The following SEMA4B variants were observed in gnomAD, a reference collection of about 807,000 sequenced individuals.
SEMA4B encodes the protein semaphorin 4B.
Under a neutral mutation model 88.1 loss-of-function variants are expected in SEMA4B, and 55 were observed. The ratio of observed to expected loss-of-function variants is 0.62; its 90% CI spans 0.50 to 0.78. The LOEUF is 0.78. Ranked by LOEUF, SEMA4B falls within the 30% of genes least tolerant of loss-of-function variation. SEMA4B has a pLI of 0.00. For missense variants in SEMA4B, 1,062 were observed against 1,111.9 expected, an observed-to-expected ratio of 0.96 and a Z score of 0.64; for synonymous variants, 525 against 473.6, an observed-to-expected ratio of 1.11 and a Z score of -1.41.
intron 1 of SEMA4B, among the ~76,000 whole-genome samples, chr15:90,191,496 A>G (rs575603682): frequency 6.6e-5 from 10 of 152,256 alleles, no homozygotes; most frequent in African/African-American, 2.2e-4. Context: ...GTGGCTTTAT[A>G]TGTACTCTCT....
intron 1 of SEMA4B, among the ~76,000 whole-genome samples, chr15:90,189,489 A>G (rs76287984): frequency 0.016 from 2,457 of 152,306 alleles, 51 homozygotes; most frequent in African/African-American, 0.051. Context: ...GAATTAAGTA[A>G]ATGATTGAAT....
chr15:90,189,635 G>C (rs1382317701), intron 1 of SEMA4B, among the ~76,000 whole-genome samples: 3 of 144,958 alleles, frequency 2.1e-5, no homozygotes, highest in African/African-American at 8.3e-5. Flanking sequence ...ATTCCAAACT[G>C]AGGTATAATT....
At chr15:90,208,275 AAATTTT>A (rs1335493576) in intron 1 of SEMA4B, among the ~76,000 whole-genome samples, 1 of 152,096 alleles carries the variant, frequency 6.6e-6, no homozygotes, top group Non-Finnish European at 1.5e-5. Flanking sequence ...AAAGAAAGAA[AAATTTT>A]AATTAGTTGC....
intron 1 of SEMA4B, chr15:90,206,631 T>C (rs1452317159): frequency 1.3e-5 from 8 of 634,394 alleles, no homozygotes; most frequent in Non-Finnish European, 2.3e-5. Context: ...TTACAAGAGC[T>C]GTTGAAGACA....
At chr15:90,187,840 A>C (rs1960209900) in intron 1 of SEMA4B, among the ~76,000 whole-genome samples, 1 of 151,954 alleles carries the variant, frequency 6.6e-6, no homozygotes, top group African/African-American at 2.4e-5. Context: ...TCTTGTCTCT[A>C]CTAAAAATAC....
upstream of SEMA4B, chr15:90,201,273 A>C: frequency 3.6e-5 from 38 of 1,050,974 alleles, no homozygotes; most frequent in East Asian, 6.3e-5. Context: ...GGAAGGGGGA[A>C]GGGGGCGGGC....
In SEMA4B at chr15:90,228,382, G is replaced by A. The variant is rs1163198855; in HGVS notation, c.2253G>A (p.Gly751=). 8 of 1,599,408 alleles carry A rather than the reference G, an allele frequency of 5.0e-6. No individual in the cohort carries two copies. The highest frequency in any genetic ancestry group is 2.2e-5 in the East Asian group (1 of 44,792). Residue 751 remains glycine (G), a synonymous_variant, in exon 14 of 14, where the codon GGG becomes GGA. Coordinates refer to ENST00000411539, the MANE Select transcript of SEMA4B (RefSeq NM_198925.4). ...GCATGAAAGTCTTCCTGAAGCAGGG[G>A]GAATGTGCCAGCGTGCACCCCAAGA... The part of the protein sequence containing the change: ...RNSMKVFLKQ[G]ECASVHPKTC...
At chr15:90,186,007 C>T (rs1960155441) in intron 1 of SEMA4B, among the ~76,000 whole-genome samples, 1 of 139,810 alleles carries the variant, frequency 7.2e-6, no homozygotes, top group Non-Finnish European at 1.5e-5. Flanking sequence ...GATCTTGGCT[C>T]ACCGCAACCT....
chr15:90,201,448 C>T lies in SEMA4B; in HGVS notation c.-131C>T. 1 of 1,298,836 alleles carries T rather than the reference C, an allele frequency of 7.7e-7. No homozygotes were observed. The allele number at this position is 1,298,836 out of a possible 1,614,324, so 80.5% of individuals were successfully genotyped here. ...CCACTTGACCCTGTTTCCCACCTCC[C>T]GCCCCCCAGGTCCGGAGGCGGGGGC... On this transcript the variant is annotated 5_prime_UTR_variant, in exon 1 of 14. Transcript: ENST00000411539.
Position 90,225,839 on chromosome 15 carries a change from CA to C in SEMA4B, c.1688+15del. 1 of 1,506,818 alleles carries C rather than the reference CA, an allele frequency of 6.6e-7. No homozygotes were observed. The highest frequency in any genetic ancestry group is 8.9e-7 in the Non-Finnish European group (1 of 1,128,922). 93.3% of individuals were successfully genotyped at this position (1,506,818 alleles called of 1,614,324 possible). A position where few individuals can be genotyped will look rare whatever the true frequency, so the allele number is the denominator to read the frequency against. On this transcript the variant is annotated intron_variant, in intron 12 of 13. Coordinates refer to ENST00000411539, the MANE Select transcript of SEMA4B (RefSeq NM_198925.4). ...CAGCTGGCCACCAGGTGAGCACTCC[CA>C]AAGGCCCCTTCCCATCTGTCCAGCC...
rs1327364087 is a variant in SEMA4B, at chr15:90,212,146, CACTTCCTACTCA to C, written c.158-5292_158-5281del. On this transcript the variant is annotated intron_variant, in intron 1 of 13. Transcript: ENST00000411539. This position sits in a 1 kb window ranked among gnomAD's most constrained non-coding sequence, Gnocchi z 4.0. ...CCACATCACTTCCTACTCAGAACCCCACTTCCTACTCAGAACCCCACTTCCTGGGGTGGGGAG... is the reference window on the plus strand; with the variant it reads ...CCACATCACTTCCTACTCAGAACCCCGAACCCCACTTCCTGGGGTGGGGAG... 1.3e-4 allele frequency among the ~76,000 whole-genome samples: 2 copies of C among 15,166 alleles called. No homozygotes were observed. The highest frequency in any genetic ancestry group is 1.7e-3 in the African/African-American group (2 of 1,196). The allele number at this position is 15,166 out of a possible 152,430, so 9.9% of individuals were successfully genotyped here. A position where few individuals can be genotyped will look rare whatever the true frequency, so the allele number is the denominator to read the frequency against.
chr15:90,218,577 C>T (rs1396733808), intron 3 of SEMA4B, among the ~76,000 whole-genome samples: 2 of 152,190 alleles, frequency 1.3e-5, no homozygotes, highest in African/African-American at 4.8e-5. Flanking sequence ...CACAAGGTCT[C>T]CACCTCATGG....
upstream of SEMA4B, chr15:90,201,196 C>T: frequency 2.0e-6 from 1 of 490,578 alleles, no homozygotes; most frequent in Non-Finnish European, 2.7e-6. Flanking sequence ...GGCTACTGAT[C>T]CCGGGCTTGG....
At chr15:90,204,536 G>T (rs1180258685) in intron 1 of SEMA4B, among the ~76,000 whole-genome samples, 3 of 152,200 alleles carry the variant, frequency 2.0e-5, no homozygotes, top group Admixed American at 6.5e-5. Context: ...TCCACAGTCA[G>T]CTGGAAATCT....
intron 1 of SEMA4B, among the ~76,000 whole-genome samples, chr15:90,196,187 C>T (rs1960500221): frequency 6.6e-6 from 1 of 151,526 alleles, no homozygotes; most frequent in African/African-American, 2.4e-5. Flanking sequence ...CTCGGCCTCC[C>T]AAAGTGCTGG....
intron 1 of SEMA4B, among the ~76,000 whole-genome samples, chr15:90,188,891 G>A (rs1266731312): frequency 3.3e-5 from 5 of 151,782 alleles, no homozygotes; most frequent in African/African-American, 4.8e-5. Context: ...GATGGTCTAC[G>A]ATCTCCTGAC....
intron 1 of SEMA4B, among the ~76,000 whole-genome samples, chr15:90,185,924 ATTTTTTTT>A (rs398028319): frequency 1.8e-5 from 1 of 55,432 alleles, no homozygotes; most frequent in South Asian, 9.6e-4. Flanking sequence ...TCTTTTGGTG[ATTTTTTTT>A]TTTTTTTTTT....
intron 1 of SEMA4B, among the ~76,000 whole-genome samples, chr15:90,214,403 C>T (rs1466844104): frequency 6.6e-6 from 1 of 150,540 alleles, no homozygotes; most frequent in Non-Finnish European, 1.5e-5. Context: ...TTTGGGAGGC[C>T]GAGGCGGGTG....
intron 1 of SEMA4B, among the ~76,000 whole-genome samples, chr15:90,211,410 A>G (rs558928187): frequency 6.6e-6 from 1 of 152,304 alleles, no homozygotes; most frequent in South Asian, 2.1e-4. Flanking sequence ...ACCTCAGTCC[A>G]TGGGAGGACC....
Sources: gnomAD v4.1 joint callset for allele counts (sites outside exome capture counted in the v4.1 genomes callset) on GRCh38, gnomAD v4.1.1 for gene constraint, Gnocchi (gnomAD v3.1) non-coding constraint, MANE v1.5 for transcripts, NCBI Gene and HGNC (gene_info 2026-07-23, HGNC 2026-07-21) for gene names.